ABR: variants seen among roughly 807,000 people sequenced by gnomAD.
The protein encoded by ABR is ABR activator of RhoGEF and GTPase, also known as active breakpoint cluster region-related protein.
A neutral mutation model predicts 107.2 loss-of-function variants in ABR; 35 were observed. The observed-to-expected ratio is 0.33, with a 90% CI of 0.25 to 0.43. The LOEUF (loss-of-function observed/expected upper bound fraction) is 0.43. Ranked by LOEUF, ABR falls within the 20% of genes least tolerant of loss-of-function variation. ABR has a pLI of 1.00. For synonymous variants in ABR, 498 were observed against 462.0 expected (o/e 1.08, Z -1.00); for missense variants, 815 against 1,115.2 (o/e 0.73, Z 3.83).
At chr17:1,083,090 C>G (rs1216028630) in intron 5 of ABR, among the ~76,000 whole-genome samples, 2 of 144,372 alleles carry the variant, frequency 1.4e-5, no homozygotes, top group East Asian at 4.1e-4. Context: ...CGCCACTGCA[C>G]TCCAGCCTGG....
At chr17:1,032,566 TCCGTGCTGGGCGC>T in intron 16 of ABR, among the ~76,000 whole-genome samples, 1 of 107,026 alleles carries the variant, frequency 9.3e-6, no homozygotes, top group African/African-American at 3.8e-5. Context: ...ACCACCCGCG[TCCGTGCTGGGCGC>T]AGAGGACGCC....
rs2040537400 is a variant in ABR, at chr17:1,146,612, G to GCC, written c.62-21246_62-21245insGG. 1.1e-3 allele frequency among the ~76,000 whole-genome samples: 168 copies of GCC among 150,772 alleles called. 1 individual carries two copies. The highest frequency in any genetic ancestry group is 3.9e-3 in the African/African-American group (161 of 40,862). On this transcript the variant is annotated intron_variant, in intron 1 of 22. Coordinates refer to ENST00000302538, the MANE Select transcript of ABR (RefSeq NM_021962.5). ...TGCCACCATGCCACCACTGCCACATGACACCACTGCCACCACTGCCACATG... is the reference window on the plus strand; with the variant it reads ...TGCCACCATGCCACCACTGCCACATGCCACACCACTGCCACCACTGCCACATG...
Position 1,013,173 on chromosome 17 carries a change from A to G in ABR, c.1792-9T>C, listed in dbSNP as rs1335119360. ...ACGGTTTGTGGGTCCAGCTGCAGAGAGAGAATGTGGGTGAGAGAGGTGCCA... is the reference window on the plus strand; with the variant it reads ...ACGGTTTGTGGGTCCAGCTGCAGAGGGAGAATGTGGGTGAGAGAGGTGCCA... On this transcript the variant is annotated splice_polypyrimidine_tract_variant and intron_variant, in intron 16 of 22. Transcript: ENST00000302538. The G allele has an allele frequency of 2.5e-6, 4 of 1,613,956 alleles. No homozygotes were observed. The highest frequency in any genetic ancestry group is 1.7e-5 in the Admixed American group (1 of 60,020).
rs2032377726 is a variant in ABR at position 1,050,679 on chromosome 17, G to A, written c.1562-45C>T. On this transcript the variant is annotated intron_variant, in intron 14 of 22. Coordinates refer to ENST00000302538, the MANE Select transcript of ABR (RefSeq NM_021962.5). The surrounding 1 kb of genome is among the most constrained non-coding windows in gnomAD (Gnocchi z 4.6). ...GGAGATACTGAGTGAGTGGGGCCAG[G>A]GTGGGGCAGCTGGGGCGGCACTCAG... 1.3e-6 allele frequency: 2 copies of A among 1,540,804 alleles called. No homozygotes were observed. Among genetic ancestry groups the A allele is most frequent in the Non-Finnish European group, 1.8e-6 (2 of 1,114,606 alleles).
chr17:1,050,320 C>T lies in ABR; in HGVS notation c.1660-139G>A, dbSNP rs1052201130. The stretch of plus-strand genomic sequence containing the variant: ...GACACGTCAGATTTTCTGGAGCTCC[C>T]AGAGGCCTCCCATCACCCCTGGAGT... On this transcript the variant is annotated intron_variant, in intron 15 of 22. Coordinates refer to ENST00000302538, the MANE Select transcript of ABR (RefSeq NM_021962.5). This position sits in a 1 kb window ranked among gnomAD's most constrained non-coding sequence, Gnocchi z 4.6. 4.5e-5 allele frequency: 54 copies of T among 1,200,072 alleles called. No individual in the cohort carries two copies. Among genetic ancestry groups the T allele is most frequent in the African/African-American group, 3.2e-4 (21 of 66,362 alleles). 74.3% of individuals were successfully genotyped at this position (1,200,072 alleles called of 1,614,324 possible).
At chr17:1,114,171 A>AAAC (rs2038872786) in intron 2 of ABR, among the ~76,000 whole-genome samples, 1 of 149,440 alleles carries the variant, frequency 6.7e-6, no homozygotes, top group Non-Finnish European at 1.5e-5. Context: ...CCCTGTCTCA[A>AAAC]AAAAAAAAAA....
At position 1,010,593 on chromosome 17, in the gene ABR, G is replaced by T; in HGVS notation, c.2236+136C>A. On this transcript the variant is annotated intron_variant, in intron 20 of 22. Coordinates refer to ENST00000302538, the MANE Select transcript of ABR (RefSeq NM_021962.5). The surrounding 1 kb of genome is among the most constrained non-coding windows in gnomAD (Gnocchi z 4.1). ...CCACACCTCACCCTCGGACCCCTCAGCCACAGGCCCCAGTGCACTGGGAAG... is the reference window on the plus strand; with the variant it reads ...CCACACCTCACCCTCGGACCCCTCATCCACAGGCCCCAGTGCACTGGGAAG... 8.0e-7 allele frequency: 1 copy of T among 1,256,158 alleles called. No homozygotes were observed. The highest frequency in any genetic ancestry group is 1.1e-6 in the Non-Finnish European group (1 of 914,624). The allele number at this position is 1,256,158 out of a possible 1,614,324, so 77.8% of individuals were successfully genotyped here. A position where few individuals can be genotyped will look rare whatever the true frequency, so the allele number is the denominator to read the frequency against.
chr17:1,157,376 A>G lies in ABR; in HGVS notation c.61+22291T>C, dbSNP rs975186276. On this transcript the variant is annotated intron_variant, in intron 1 of 22. Transcript: ENST00000302538. This position sits in a 1 kb window ranked among gnomAD's most constrained non-coding sequence, Gnocchi z 4.7. ...AGTAATTCTCCTGCCTCAGCCTCCC[A>G]AATAGCTGGGATTACAGGTGTGCGC... is the stretch of plus-strand genomic sequence containing the variant. Among the ~76,000 whole-genome samples the G allele has an allele frequency of 3.3e-5, 5 of 150,854 alleles. No individual in the cohort carries two copies. Among genetic ancestry groups the G allele is most frequent in the African/African-American group, 1.2e-4 (5 of 40,876 alleles).
intron 8 of ABR, 51 bp downstream of exon 8, chr17:1,072,563 A>T: frequency 6.4e-7 from 1 of 1,550,520 alleles, no homozygotes; most frequent in Non-Finnish European, 8.7e-7. Context: ...GGGACGAGGG[A>T]CCTGATACTT....
chr17:1,193,027 A>G (rs992185116), intron 1 of ABR, among the ~76,000 whole-genome samples: 4 of 152,214 alleles, frequency 2.6e-5, no homozygotes, highest in African/African-American at 4.8e-5. Flanking sequence ...CAGCCTGAGC[A>G]AAAAGAGCGA....
At chr17:1,053,811 GGGAGGGGCGGCATCTGGGGACAT>G (rs574733689) in intron 14 of ABR, among the ~76,000 whole-genome samples, 14,884 of 152,202 alleles carry the variant, frequency 0.098, 840 homozygotes, top group South Asian at 0.2. Context: ...AAGCAGGAGA[GGGAGGGGCGGCATCTGGGGACAT>G]GGAGTGGTGG....
chr17:1,091,911 G>T (rs973175227), intron 3 of ABR, 61 bp from the exon 4 acceptor site: 9 of 1,517,028 alleles, frequency 5.9e-6, no homozygotes, highest in Non-Finnish European at 8.1e-6. Context: ...AGTGTCGGCA[G>T]GCCCCGGGGC....
At chr17:1,229,600 A>G (rs1240229445) in exon 1 of ABR, among the ~76,000 whole-genome samples, 1 of 150,132 alleles carries the variant, frequency 6.7e-6, no homozygotes, top group Non-Finnish European at 1.5e-5. Context: ...TCGGCCCGCC[A>G]GCGCCGCTCG....
intron 1 of ABR, among the ~76,000 whole-genome samples, chr17:1,127,907 G>A (rs937398469): frequency 2.1e-4 from 32 of 152,188 alleles, no homozygotes; most frequent in African/African-American, 6.0e-4. Context: ...GATGTTCCGC[G>A]GGGAGGCAGT....
At chr17:1,207,008 C>T (rs368323844) in intron 1 of ABR, among the ~76,000 whole-genome samples, 6 of 152,088 alleles carry the variant, frequency 3.9e-5, no homozygotes, top group East Asian at 2.0e-4. Flanking sequence ...TGCTTGAACC[C>T]GGGAGGTGGA....
At position 1,129,810 on chromosome 17, in the gene ABR, G is replaced by A. The variant is rs941691889; in HGVS notation, c.62-4443C>T. On this transcript the variant is annotated intron_variant, in intron 1 of 22. Coordinates refer to ENST00000302538, the MANE Select transcript of ABR (RefSeq NM_021962.5). ...AAAAATACAAAAATTAGCTGGGTGC[G>A]ATGGCGGGTGCCTGTAATCCCAGCA... Among the ~76,000 whole-genome samples the A allele has an allele frequency of 5.3e-5, 8 of 152,228 alleles. No homozygotes were observed. The East Asian group carries it at 1.2e-3, about 22-fold the overall frequency.
intron 2 of ABR, among the ~76,000 whole-genome samples, chr17:1,101,575 C>G (rs1384951023): frequency 6.6e-6 from 1 of 151,994 alleles, no homozygotes; most frequent in Non-Finnish European, 1.5e-5. Context: ...CCGCAAAACG[C>G]GAGTACTTGG....
chr17:1,168,019 G>A (rs962681693), intron 1 of ABR, among the ~76,000 whole-genome samples: 2 of 152,210 alleles, frequency 1.3e-5, no homozygotes, highest in African/African-American at 4.8e-5. Flanking sequence ...GGGCGTGGTG[G>A]CGCACGCCTG....
intron 16 of ABR, among the ~76,000 whole-genome samples, chr17:1,031,302 C>T (rs958953130): frequency 6.6e-6 from 1 of 152,184 alleles, no homozygotes; most frequent in Non-Finnish European, 1.5e-5. Context: ...GGCGTCTCCC[C>T]GTGCGCTGTT....
Sources: gnomAD v4.1 joint callset for allele counts (sites outside exome capture counted in the v4.1 genomes callset) on GRCh38, gnomAD v4.1.1 for gene constraint, Gnocchi (gnomAD v3.1) non-coding constraint, MANE v1.5 for transcripts, NCBI Gene and HGNC (gene_info 2026-07-23, HGNC 2026-07-21) for gene names.